The following SLA variants were observed in gnomAD, a reference collection of about 807,000 sequenced individuals.
The protein encoded by SLA is Src like adaptor, also known as src-like-adapter.
Under a neutral mutation model 30.3 loss-of-function variants are expected in SLA, and 16 were observed. The ratio of observed to expected loss-of-function variants is 0.53; its 90% CI spans 0.36 to 0.80. SLA has a LOEUF of 0.80. Among genes scored for constraint, SLA ranks in the 30% least tolerant of loss-of-function variants. The pLI, the probability that SLA is intolerant of heterozygous loss-of-function variation, is 0.01. For synonymous variants in SLA, 143 were observed against 137.8 expected, an observed-to-expected ratio of 1.04 and a Z score of -0.26; for missense variants, 310 against 345.2, an observed-to-expected ratio of 0.90 and a Z score of 0.81.
At chr8:133,048,690 GA>G (rs1423984531) in intron 5 of SLA, 7 of 158,002 alleles carry the variant, frequency 4.4e-5, no homozygotes, top group Admixed American at 3.7e-4. Context: ...GCTAGTGAAT[GA>G]ATGGCTCCAG....
intron 1 of SLA, chr8:133,102,339 A>C: frequency 2.0e-6 from 1 of 493,386 alleles, no homozygotes; most frequent in Non-Finnish European, 3.7e-6. Flanking sequence ...TTCCCAGGGA[A>C]GTCACGGAGG....
chr8:133,079,135 A>G (rs1845358685), intron 1 of SLA, among the ~76,000 whole-genome samples: 1 of 152,174 alleles, frequency 6.6e-6, no homozygotes, highest in Non-Finnish European at 1.5e-5. Context: ...GCCCCCACCA[A>G]GGACGTCAAG....
At chr8:133,097,958 G>A (rs1848677893) in intron 1 of SLA, among the ~76,000 whole-genome samples, 1 of 152,180 alleles carries the variant, frequency 6.6e-6, no homozygotes, top group African/African-American at 2.4e-5. Flanking sequence ...GAGTGAGTGT[G>A]TGTGTGTTGC....
chr8:133,044,434 T>C (rs1314073568), intron 7 of SLA, among the ~76,000 whole-genome samples: 2 of 152,138 alleles, frequency 1.3e-5, no homozygotes, highest in African/African-American at 4.8e-5. Flanking sequence ...TTCTTAGTCT[T>C]TAGGAGCCTG....
intron 2 of SLA, chr8:133,073,300 T>C (rs1844353561): frequency 6.6e-6 from 1 of 152,234 alleles, no homozygotes; most frequent in Non-Finnish European, 1.5e-5. Context: ...GTCTATTCCA[T>C]AGGTTTTTAA....
chr8:133,058,180 C>T (rs1841803661), intron 3 of SLA, among the ~76,000 whole-genome samples: 1 of 152,214 alleles, frequency 6.6e-6, no homozygotes, highest in South Asian at 2.1e-4. Flanking sequence ...CCCTCCCTTA[C>T]TCAAGTAGGT....
chr8:133,064,658 C>T (rs956786034), intron 2 of SLA, among the ~76,000 whole-genome samples: 2 of 152,224 alleles, frequency 1.3e-5, no homozygotes, highest in African/African-American at 4.8e-5. Flanking sequence ...ACTGGCATGG[C>T]GTTGCCGTCG....
At chr8:133,082,307 C>T (rs1324833478) in intron 1 of SLA, among the ~76,000 whole-genome samples, 5 of 152,132 alleles carry the variant, frequency 3.3e-5, no homozygotes, top group African/African-American at 1.2e-4. Flanking sequence ...AGCTTTGGCA[C>T]TTTGCATGAC....
At chr8:133,041,696 C>G (rs1194018443) in intron 7 of SLA, among the ~76,000 whole-genome samples, 1 of 151,886 alleles carries the variant, frequency 6.6e-6, no homozygotes, top group East Asian at 1.9e-4. Flanking sequence ...AGCAAAAGAA[C>G]CACCACTCAT....
chr8:133,088,815 T>C (rs1464053490), intron 1 of SLA, among the ~76,000 whole-genome samples: 2 of 152,196 alleles, frequency 1.3e-5, no homozygotes, highest in East Asian at 1.9e-4. Context: ...ACTGTCCCTG[T>C]GATGGAAGTT....
chr8:133,045,387 C>CTTTTT lies in SLA; in HGVS notation c.353-277_353-273dup, dbSNP rs5895172. On this transcript the variant is annotated intron_variant, in intron 6 of 8. Transcript: ENST00000338087. ...AGGAACACAGGTTTCATCCTCTTTGCTTTTTTTTTTTTTTTTTTTTTTTTT... is the reference window on the plus strand; with the variant it reads ...AGGAACACAGGTTTCATCCTCTTTGCTTTTTTTTTTTTTTTTTTTTTTTTTTTTTT... 3.3e-3 allele frequency among the ~76,000 whole-genome samples: 217 copies of CTTTTT among 65,860 alleles called. 1 individual carries two copies. Among genetic ancestry groups the CTTTTT allele is most frequent in the Non-Finnish European group, 3.7e-3 (145 of 38,754 alleles). 43.2% of individuals were successfully genotyped at this position (65,860 alleles called of 152,430 possible).
intron 1 of SLA, among the ~76,000 whole-genome samples, chr8:133,085,737 T>C (rs1846433415): frequency 6.6e-6 from 1 of 152,228 alleles, no homozygotes; most frequent in South Asian, 2.1e-4. Context: ...ACTGAAGATA[T>C]GAAGAAGTAA....
At chr8:133,097,435 A>G (rs1848594500) in intron 1 of SLA, among the ~76,000 whole-genome samples, 2 of 152,238 alleles carry the variant, frequency 1.3e-5, no homozygotes, top group African/African-American at 4.8e-5. Flanking sequence ...TAACAGGGAA[A>G]TGGTTGACTA....
chr8:133,054,345 C>T (rs1483755742), intron 3 of SLA, among the ~76,000 whole-genome samples: 1 of 152,106 alleles, frequency 6.6e-6, no homozygotes, highest in African/African-American at 2.4e-5. Context: ...AGAGAATTTT[C>T]GGGAAAGAGA....
intron 7 of SLA, among the ~76,000 whole-genome samples, chr8:133,042,577 T>C (rs1838461984): frequency 1.3e-5 from 2 of 151,220 alleles, no homozygotes; most frequent in Non-Finnish European, 2.9e-5. Flanking sequence ...GCTTCCAAGA[T>C]GCCAAGTAAT....
At chr8:133,045,727 T>G (rs890587335) in intron 6 of SLA, among the ~76,000 whole-genome samples, 1 of 152,140 alleles carries the variant, frequency 6.6e-6, no homozygotes, top group Admixed American at 6.5e-5. Context: ...CAAACACATT[T>G]GGGGTGCTTC....
At chr8:133,039,906 C>T (rs1291875178) in intron 8 of SLA, 92 bp downstream of exon 8, 61 of 1,491,786 alleles carry the variant, frequency 4.1e-5, no homozygotes, top group Non-Finnish European at 5.2e-5. Context: ...TTCATGTGCT[C>T]GGCACACACA....
chr8:133,071,395 G>A (rs372070754), intron 2 of SLA, among the ~76,000 whole-genome samples: 1 of 152,296 alleles, frequency 6.6e-6, no homozygotes, highest in East Asian at 1.9e-4. Context: ...CGTGTCCTTA[G>A]GCCTGAGGAA....
intron 7 of SLA, among the ~76,000 whole-genome samples, chr8:133,043,750 T>C (rs1424684583): frequency 1.3e-5 from 2 of 152,200 alleles, no homozygotes; most frequent in Non-Finnish European, 2.9e-5. Flanking sequence ...TGTGGACCCA[T>C]TTCTCCTTGA....
Sources: gnomAD v4.1 joint callset for allele counts (sites outside exome capture counted in the v4.1 genomes callset) on GRCh38, gnomAD v4.1.1 for gene constraint, MANE v1.5 for transcripts, NCBI Gene and HGNC (gene_info 2026-07-23, HGNC 2026-07-21) for gene names.